Variants in CACNA1A observed in about 807,000 individuals in gnomAD.
The protein encoded by CACNA1A is calcium voltage-gated channel subunit alpha1 A, also known as voltage-dependent P/Q-type calcium channel subunit alpha-1A.
Under a neutral mutation model 262.4 loss-of-function variants are expected in CACNA1A, and 57 were observed. The ratio of observed to expected loss-of-function variants is 0.22; its 90% CI spans 0.18 to 0.27. CACNA1A has a LOEUF of 0.27. CACNA1A is among the 10% of genes least tolerant of loss of function. The probability of loss-of-function intolerance (pLI) is 1.00; values close to 1 mark genes in which losing one functional copy is unlikely to be tolerated. For synonymous variants in CACNA1A, 1,431 were observed against 1,419.3 expected, an observed-to-expected ratio of 1.01 and a Z score of -0.18; for missense variants, 2,526 against 3,562.8, an observed-to-expected ratio of 0.71 and a Z score of 7.41.
At chr19:13,349,790 C>G (rs2058873210) in intron 6 of CACNA1A, among the ~76,000 whole-genome samples, 1 of 152,140 alleles carries the variant, frequency 6.6e-6, no homozygotes, top group South Asian at 2.1e-4. Flanking sequence ...GGCCCTAGCT[C>G]AGAGAGTTTT....
intron 1 of CACNA1A, among the ~76,000 whole-genome samples, chr19:13,490,863 G>A (rs1402562172): frequency 1.5e-5 from 2 of 134,882 alleles, no homozygotes; most frequent in African/African-American, 5.6e-5. Context: ...GAAAGAGAAA[G>A]GAAAGGAAGG....
chr19:13,414,868 G>C (rs557983364), intron 3 of CACNA1A, among the ~76,000 whole-genome samples: 2 of 152,058 alleles, frequency 1.3e-5, no homozygotes, highest in African/African-American at 2.4e-5. Flanking sequence ...GAGGCTGAGG[G>C]GGGAGGATCG....
At chr19:13,247,695 G>A (rs938186644) in intron 30 of CACNA1A, among the ~76,000 whole-genome samples, 17 of 106,236 alleles carry the variant, frequency 1.6e-4, no homozygotes, top group African/African-American at 6.8e-4. Flanking sequence ...GCGAGACTCC[G>A]TCAAAAATAA....
At chr19:13,352,099 G>A (rs983593844) in intron 6 of CACNA1A, among the ~76,000 whole-genome samples, 7 of 152,114 alleles carry the variant, frequency 4.6e-5, no homozygotes, top group Admixed American at 2.0e-4. Flanking sequence ...GGAATGACCC[G>A]AGACCTTCTT....
intron 6 of CACNA1A, among the ~76,000 whole-genome samples, chr19:13,348,600 G>T (rs988463777): frequency 4.6e-5 from 7 of 152,220 alleles, no homozygotes; most frequent in Non-Finnish European, 1.5e-5. Flanking sequence ...CACTTTGGGA[G>T]GCCAAGGCGG....
rs1464680327 is a variant in CACNA1A, at chr19:13,299,142, G to A, written c.2491C>T (p.Arg831Cys). 9.9e-6 allele frequency: 16 copies of A among 1,613,132 alleles called. No homozygotes were observed. Among genetic ancestry groups the A allele is most frequent in the Admixed American group, 1.7e-5 (1 of 59,988 alleles). Reference protein sequence around the residue: ...RPLVVDPQENRNNNTNKSRAA... With the variant: ...RPLVVDPQENCNNNTNKSRAA... The stretch of plus-strand genomic sequence containing the variant: ...CGGCTCTTGTTGGTGTTGTTGTTGC[G>A]GTTCTCCTGCGGGTCCACCACCAGC... Residue 831 changes from arginine (R) to cysteine (C), a missense_variant, in exon 19 of 47, where the codon CGC becomes TGC. By Grantham distance (180) the Arg-to-Cys change is radical. Coordinates refer to ENST00000360228, the MANE Select transcript of CACNA1A (RefSeq NM_001127222.2).
chr19:13,253,680 T>C (rs2056464503), intron 29 of CACNA1A, among the ~76,000 whole-genome samples: 1 of 151,944 alleles, frequency 6.6e-6, no homozygotes, highest in East Asian at 1.9e-4. Context: ...CTCCTAACCT[T>C]GTGATCGCCC....
At chr19:13,444,478 A>G (rs185299841) in intron 3 of CACNA1A, among the ~76,000 whole-genome samples, 38 of 152,270 alleles carry the variant, frequency 2.5e-4, no homozygotes, top group Non-Finnish European at 1.9e-4. Flanking sequence ...GAGAGAGGAC[A>G]TGAGAGGTGT....
chr19:13,474,544 T>C lies in CACNA1A; in HGVS notation c.294-19332A>G, dbSNP rs193276938. Among the ~76,000 whole-genome samples, 14 of 152,224 alleles carry C rather than the reference T, an allele frequency of 9.2e-5. No individual in the cohort carries two copies. In the East Asian group the frequency reaches 2.3e-3, roughly 25 times the overall value. ...TTAAAAATGCAAAGAGTTTGCCAGG[T>C]GTGGTGGCTTACGCCTGTAATCCCA... On this transcript the variant is annotated intron_variant, in intron 1 of 46. Transcript: ENST00000360228.
intron 24 of CACNA1A, among the ~76,000 whole-genome samples, chr19:13,264,713 C>T (rs2056821282): frequency 6.6e-6 from 1 of 152,208 alleles, no homozygotes; most frequent in South Asian, 2.1e-4. Context: ...CTGTTGCTCC[C>T]TCCGACAGCA....
rs548806131 is a variant in CACNA1A, at chr19:13,241,215, G to A, written c.4950+3967C>T. On this transcript the variant is annotated intron_variant, in intron 31 of 46. Transcript: ENST00000360228. The surrounding 1 kb of genome is among the most constrained non-coding windows in gnomAD (Gnocchi z 4.0). ...CTCTGAGTGTAGGGGATGTGTGTGCGGGATGGGGCAAGAGAGAGGTGCTGC... is the reference window on the plus strand; with the variant it reads ...CTCTGAGTGTAGGGGATGTGTGTGCAGGATGGGGCAAGAGAGAGGTGCTGC... Among the ~76,000 whole-genome samples the A allele has an allele frequency of 6.5e-4, 99 of 152,240 alleles. 1 individual carries two copies. Among genetic ancestry groups the A allele is most frequent in the African/African-American group, 2.1e-3 (88 of 41,540 alleles).
chr19:13,326,900 T>G (rs2058373237), intron 10 of CACNA1A, among the ~76,000 whole-genome samples: 1 of 146,744 alleles, frequency 6.8e-6, no homozygotes, highest in African/African-American at 2.7e-5. Context: ...TATTACTTTT[T>G]TTTGTTTTTT....
At chr19:13,376,867 G>GATATATAACACATATGTTATATGTGAT (rs1568586492) in intron 3 of CACNA1A, among the ~76,000 whole-genome samples, 10 of 142,250 alleles carry the variant, frequency 7.0e-5, no homozygotes, top group African/African-American at 2.0e-4. Context: ...TGTTATATGT[G>GATATATAACACATATGTTATATGTGAT]ATATATATAA....
rs191257557 is a variant in CACNA1A at position 13,474,714 on chromosome 19, T to G, written c.294-19502A>C. The stretch of plus-strand genomic sequence containing the variant: ...CACCTGTAGTCCCAGCTACTTGGGA[T>G]GCTGAGGCAGGAGAATCACTTGAAC... On this transcript the variant is annotated intron_variant, in intron 1 of 46. Coordinates refer to ENST00000360228, the MANE Select transcript of CACNA1A (RefSeq NM_001127222.2). 1.8e-3 allele frequency among the ~76,000 whole-genome samples: 267 copies of G among 151,700 alleles called. 2 individuals are homozygous for G. Among genetic ancestry groups the G allele is most frequent in the African/African-American group, 6.1e-3 (252 of 41,326 alleles).
At position 13,207,505 on chromosome 19, in the gene CACNA1A, C is replaced by T. The variant is rs1337207067; in HGVS notation, c.7329G>A (p.Ala2443=). The T allele has an allele frequency of 1.9e-5, 27 of 1,426,240 alleles. No homozygotes were observed. The highest frequency in any genetic ancestry group is 2.5e-5 in the Non-Finnish European group (27 of 1,095,436). 88.3% of individuals were successfully genotyped at this position (1,426,240 alleles called of 1,614,324 possible). Residue 2443 remains alanine, a synonymous_variant, in exon 47 of 47, where the codon GCG becomes GCA. Transcript: ENST00000360228. The surrounding 1 kb of genome is among the most constrained non-coding windows in gnomAD (Gnocchi z 5.7). ...GCGAGCGCCCGGTGGCGCCCGAGGACGCGTGTCGTACGGGGGGTGGCGCGT... is the reference window on the plus strand; with the variant it reads ...GCGAGCGCCCGGTGGCGCCCGAGGATGCGTGTCGTACGGGGGGTGGCGCGT... ...AYDAPPPVRH[A]SSGATGRSPR... is the part of the protein sequence containing the mutation.
At chr19:13,447,359 G>C (rs976673613) in intron 3 of CACNA1A, among the ~76,000 whole-genome samples, 5 of 152,166 alleles carry the variant, frequency 3.3e-5, no homozygotes, top group African/African-American at 1.2e-4. Context: ...CAGGAAACTA[G>C]AAGAAAGGCC....
chr19:13,394,261 G>C (rs1396399109), intron 3 of CACNA1A, among the ~76,000 whole-genome samples: 1 of 152,044 alleles, frequency 6.6e-6, no homozygotes, highest in Non-Finnish European at 1.5e-5. Flanking sequence ...TGGCTGGGCT[G>C]GGTCTTAAGC....
intron 10 of CACNA1A, among the ~76,000 whole-genome samples, chr19:13,329,916 C>T (rs1162110061): frequency 6.6e-6 from 1 of 152,010 alleles, no homozygotes; most frequent in Admixed American, 6.6e-5. Flanking sequence ...CAACCAAGCA[C>T]CTAATATAAG....
chr19:13,485,507 G>C (rs906151289), intron 1 of CACNA1A, among the ~76,000 whole-genome samples: 2 of 151,906 alleles, frequency 1.3e-5, no homozygotes, highest in African/African-American at 4.8e-5. Flanking sequence ...GCTATGTAAG[G>C]ATCACCCACA....
Sources: gnomAD v4.1 joint callset for allele counts (sites outside exome capture counted in the v4.1 genomes callset) on GRCh38, gnomAD v4.1.1 for gene constraint, Gnocchi (gnomAD v3.1) non-coding constraint, MANE v1.5 for transcripts, NCBI Gene and HGNC (gene_info 2026-07-23, HGNC 2026-07-21) for gene names.